TMEM209: variants seen among roughly 807,000 people sequenced by gnomAD.
The protein encoded by TMEM209 is transmembrane protein 209.
A neutral mutation model predicts 76.2 loss-of-function variants in TMEM209; 65 were observed. The ratio of observed to expected loss-of-function variants is 0.85; its 90% CI spans 0.70 to 1.05. The LOEUF (loss-of-function observed/expected upper bound fraction) is 1.05. Among genes scored for constraint, TMEM209 ranks in the 50% least tolerant of loss-of-function variants. The probability of loss-of-function intolerance (pLI) is 0.00; values close to 1 mark genes in which losing one functional copy is unlikely to be tolerated. For missense variants in TMEM209, 623 were observed against 685.5 expected (o/e 0.91, Z 1.02); for synonymous variants, 239 against 237.6 (o/e 1.01, Z -0.06).
intron 11 of TMEM209, 144 bp from the exon 12 acceptor site, chr7:130,174,083 G>A: frequency 7.0e-6 from 4 of 572,236 alleles, no homozygotes; most frequent in South Asian, 2.4e-5. Context: ...GCTGTCAAAT[G>A]GTTAGATTTA....
chr7:130,168,571 A>G (rs936916690), intron 14 of TMEM209, among the ~76,000 whole-genome samples: 1 of 152,248 alleles, frequency 6.6e-6, no homozygotes, highest in Non-Finnish European at 1.5e-5. Flanking sequence ...TAGACATTTT[A>G]GGGAAAATTT....
At chr7:130,170,222 C>T (rs1316400803) in intron 14 of TMEM209, among the ~76,000 whole-genome samples, 178 bp downstream of exon 14, 2 of 152,138 alleles carry the variant, frequency 1.3e-5, no homozygotes, top group African/African-American at 4.8e-5. Flanking sequence ...CAATGGGTTC[C>T]GAGGAGTTAG....
intron 14 of TMEM209, among the ~76,000 whole-genome samples, chr7:130,169,361 T>A (rs1380909452): frequency 6.6e-6 from 1 of 152,206 alleles, no homozygotes; most frequent in Non-Finnish European, 1.5e-5. Context: ...GCAAGCCACA[T>A]AATTTTAAAT....
Position 130,166,078 on chromosome 7 carries a change from T to A in TMEM209, c.*373A>T, listed in dbSNP as rs994367065. The A allele has an allele frequency of 3.9e-5, 6 of 155,764 alleles. No individual in the cohort carries two copies. The highest frequency in any genetic ancestry group is 2.0e-4 in the South Asian group (1 of 4,926). The allele number at this position is 155,764 out of a possible 1,614,324, so 9.6% of individuals were successfully genotyped here. A position where few individuals can be genotyped will look rare whatever the true frequency, so the allele number is the denominator to read the frequency against. On this transcript the variant is annotated 3_prime_UTR_variant, in exon 15 of 15. Coordinates refer to ENST00000397622, the MANE Select transcript of TMEM209 (RefSeq NM_032842.4). The stretch of plus-strand genomic sequence containing the variant: ...TAAAAAAAAAAAAGACTGAAAAAAA[T>A]TTTTTTTTGGTACAAGAATCAGGTA...
In TMEM209 at chr7:130,175,511, C is replaced by T. The variant is rs1255697249; in HGVS notation, c.1344+1G>A. On this transcript the variant is annotated splice_donor_variant, in intron 11 of 14. Transcript: ENST00000397622. LOFTEE classifies it high-confidence loss of function. ...ATGAATGAAAGAATCTAGGGGCTTA[C>T]AGCAGAATCGGTGGGCAGGTCTGTA... The T allele has an allele frequency of 1.2e-6, 2 of 1,610,880 alleles. No individual in the cohort carries two copies. Among genetic ancestry groups the T allele is most frequent in the Non-Finnish European group, 1.7e-6 (2 of 1,178,446 alleles).
At chr7:130,193,781 G>A (rs1228316317) in intron 5 of TMEM209, among the ~76,000 whole-genome samples, 1 of 150,764 alleles carries the variant, frequency 6.6e-6, no homozygotes, top group African/African-American at 2.4e-5. Flanking sequence ...CTATAATTGT[G>A]AACATGTCAT....
At chr7:130,200,699 A>G (rs964356828) in intron 5 of TMEM209, among the ~76,000 whole-genome samples, 2 of 152,162 alleles carry the variant, frequency 1.3e-5, no homozygotes, top group Non-Finnish European at 2.9e-5. Context: ...ACATTTACCT[A>G]TGAGTTATTA....
intron 5 of TMEM209, among the ~76,000 whole-genome samples, chr7:130,201,510 A>G (rs1798197865): frequency 6.6e-6 from 1 of 152,152 alleles, no homozygotes; most frequent in African/African-American, 2.4e-5. Context: ...AAACTCTAAA[A>G]AGGTATACAA....
intron 5 of TMEM209, among the ~76,000 whole-genome samples, chr7:130,196,060 C>T (rs965300369): frequency 6.6e-5 from 10 of 152,226 alleles, no homozygotes; most frequent in African/African-American, 2.4e-4. Flanking sequence ...TTAGAATTAG[C>T]TGTTCATACC....
chr7:130,204,166 A>T lies in TMEM209; in HGVS notation c.4-56T>A, dbSNP rs780744756. 117 of 1,533,954 alleles carry T rather than the reference A, an allele frequency of 7.6e-5. 1 individual carries two copies. Among genetic ancestry groups the T allele is most frequent in the Non-Finnish European group, 9.8e-5 (113 of 1,147,638 alleles). On this transcript the variant is annotated intron_variant, in intron 1 of 14. Coordinates refer to ENST00000397622, the MANE Select transcript of TMEM209 (RefSeq NM_032842.4). ...CCAGAAGAAACTATTGCTCCATTTA[A>T]AAACCAAATTTTGCATCCCTTATAA...
chr7:130,195,071 G>A (rs1199867563), intron 5 of TMEM209, among the ~76,000 whole-genome samples: 27 of 151,986 alleles, frequency 1.8e-4, no homozygotes, highest in Non-Finnish European at 4.4e-5. Context: ...AAGTTTTAAT[G>A]TCTATGGGGA....
At chr7:130,181,394 G>T in intron 9 of TMEM209, among the ~76,000 whole-genome samples, 1 of 152,116 alleles carries the variant, frequency 6.6e-6, no homozygotes, top group East Asian at 1.9e-4. Context: ...TATGGTGATG[G>T]TTGCATAACC....
intron 14 of TMEM209, among the ~76,000 whole-genome samples, chr7:130,168,893 C>T (rs1796960940): frequency 6.6e-6 from 1 of 152,038 alleles, no homozygotes; most frequent in African/African-American, 2.4e-5. Context: ...AGTTTAGATG[C>T]CTCAATAAAG....
chr7:130,171,392 T>A (rs1021894781), intron 13 of TMEM209, among the ~76,000 whole-genome samples: 83 of 152,230 alleles, frequency 5.5e-4, no homozygotes, highest in African/African-American at 2.0e-3. Flanking sequence ...AATTTACAGA[T>A]TAACTTTTCC....
rs1176106628 is a variant in TMEM209 at position 130,166,508 on chromosome 7, A to G, written c.1632-3T>C. The G allele has an allele frequency of 1.3e-6, 2 of 1,512,030 alleles. No homozygotes were observed. The highest frequency in any genetic ancestry group is 1.8e-6 in the Non-Finnish European group (2 of 1,134,252). The allele number at this position is 1,512,030 out of a possible 1,614,324, so 93.7% of individuals were successfully genotyped here. On this transcript the variant is annotated splice_region_variant and splice_polypyrimidine_tract_variant and intron_variant, in intron 14 of 14. Transcript: ENST00000397622. ...CAGATAGACCAAGATTAACTCTCCTATAAAGAGAAAAAAAATTTTTATTAG... is the reference window on the plus strand; with the variant it reads ...CAGATAGACCAAGATTAACTCTCCTGTAAAGAGAAAAAAAATTTTTATTAG...
At chr7:130,188,701 T>C (rs1456795752) in intron 6 of TMEM209, among the ~76,000 whole-genome samples, 1 of 151,658 alleles carries the variant, frequency 6.6e-6, no homozygotes, top group East Asian at 1.9e-4. Flanking sequence ...TAAAAGGCTG[T>C]TAAGGAAACA....
Position 130,175,492 on chromosome 7 carries a change from G to A in TMEM209, c.1344+20C>T, listed in dbSNP as rs367751294. 1.9e-6 allele frequency: 3 copies of A among 1,600,170 alleles called. No individual in the cohort carries two copies. The Admixed American group carries it at 5.1e-5, about 27-fold the overall frequency. ...ATCAACAGTAAATAAATAAATGAAT[G>A]AAAGAATCTAGGGGCTTACAGCAGA... On this transcript the variant is annotated intron_variant, in intron 11 of 14. Coordinates refer to ENST00000397622, the MANE Select transcript of TMEM209 (RefSeq NM_032842.4).
chr7:130,173,488 T>C (rs1797139011), intron 13 of TMEM209, 144 bp downstream of exon 13: 2 of 583,424 alleles, frequency 3.4e-6, no homozygotes, highest in African/African-American at 3.7e-5. Flanking sequence ...ATTACTTTTA[T>C]AGTAAGAAAT....
chr7:130,181,945 C>T (rs1562889528), intron 8 of TMEM209: 21 of 302,834 alleles, frequency 6.9e-5, no homozygotes, highest in East Asian at 1.4e-4. Context: ...ACTTACATTC[C>T]TTTTTTTTTT....
Sources: allele counts gnomAD v4.1 joint callset (sites outside exome capture counted in the v4.1 genomes callset), GRCh38; gene constraint gnomAD v4.1.1; transcripts MANE v1.5; gene names NCBI Gene and HGNC (gene_info 2026-07-23, HGNC 2026-07-21).